The following B3GALT1 variants were observed in gnomAD, a reference collection of about 807,000 sequenced individuals.
The protein encoded by B3GALT1 is beta-1,3-galactosyltransferase 1.
In B3GALT1, 10 loss-of-function variants were observed where a neutral mutation model predicts 23.2. That is an observed-to-expected ratio of 0.43 (90% CI 0.27 to 0.73). The LOEUF (loss-of-function observed/expected upper bound fraction) is 0.73. Among genes scored for constraint, B3GALT1 ranks in the 30% least tolerant of loss-of-function variants. The pLI is 0.21. For missense variants in B3GALT1, 299 were observed against 405.4 expected (o/e 0.74, Z 2.25); for synonymous variants, 156 against 141.5 (o/e 1.10, Z -0.73).
At chr2:167,824,490 T>C (rs756644045) in intron 4 of B3GALT1, among the ~76,000 whole-genome samples, 3 of 152,162 alleles carry the variant, frequency 2.0e-5, no homozygotes, top group Non-Finnish European at 4.4e-5. Context: ...GAAGTGACAT[T>C]GGCAGGATGT....
intron 1 of B3GALT1, among the ~76,000 whole-genome samples, chr2:167,427,245 A>G (rs924285228): frequency 2.6e-5 from 4 of 152,238 alleles, no homozygotes; most frequent in African/African-American, 9.6e-5. Context: ...TGGGAAAGAA[A>G]GAGAGCTGTG....
intron 1 of B3GALT1, among the ~76,000 whole-genome samples, chr2:167,312,072 T>C (rs189290897): frequency 6.8e-4 from 104 of 152,096 alleles, no homozygotes; most frequent in African/African-American, 2.4e-3. Flanking sequence ...TTGACGGATT[T>C]GGAAATGTTC....
intron 4 of B3GALT1, among the ~76,000 whole-genome samples, chr2:167,858,887 A>G (rs1482524080): frequency 6.6e-6 from 1 of 151,970 alleles, no homozygotes; most frequent in Non-Finnish European, 1.5e-5. Context: ...AAATAATACT[A>G]CCTCTCTGTG....
At chr2:167,855,444 GTAAT>G (rs1559004392) in intron 4 of B3GALT1, among the ~76,000 whole-genome samples, 2 of 152,046 alleles carry the variant, frequency 1.3e-5, no homozygotes, top group Non-Finnish European at 2.9e-5. Context: ...CTTAGTAGAA[GTAAT>G]TATTAGTGAG....
intron 4 of B3GALT1, among the ~76,000 whole-genome samples, chr2:167,840,010 C>T (rs1689601430): frequency 6.6e-6 from 1 of 152,110 alleles, no homozygotes; most frequent in South Asian, 2.1e-4. Flanking sequence ...CTTCCTTACA[C>T]CTTATACAAA....
intron 3 of B3GALT1, among the ~76,000 whole-genome samples, chr2:167,692,111 A>G (rs1686724090): frequency 6.6e-6 from 1 of 152,108 alleles, no homozygotes; most frequent in Non-Finnish European, 1.5e-5. Context: ...CTCTGTTGTA[A>G]GATGTGTATG....
chr2:167,630,144 G>C (rs889800337), intron 2 of B3GALT1, among the ~76,000 whole-genome samples: 8 of 151,704 alleles, frequency 5.3e-5, no homozygotes, highest in African/African-American at 1.9e-4. Flanking sequence ...TAGCATCTCT[G>C]GGTTGTTGTA....
At chr2:167,542,135 A>T (rs1376021274) in intron 2 of B3GALT1, among the ~76,000 whole-genome samples, 1 of 151,854 alleles carries the variant, frequency 6.6e-6, no homozygotes, top group Non-Finnish European at 1.5e-5. Flanking sequence ...TATTTTATAT[A>T]TTTTTTTAAA....
chr2:167,817,139 G>A (rs560124954), intron 3 of B3GALT1, among the ~76,000 whole-genome samples: 11 of 152,304 alleles, frequency 7.2e-5, no homozygotes, highest in African/African-American at 2.6e-4. Context: ...CAGCTGTCTA[G>A]GCTGAGTAGA....
chr2:167,631,949 C>A (rs551719626), intron 2 of B3GALT1, among the ~76,000 whole-genome samples: 24 of 151,948 alleles, frequency 1.6e-4, no homozygotes, highest in African/African-American at 5.8e-4. Context: ...TCCCCTACCC[C>A]CCACCCACTG....
intron 2 of B3GALT1, among the ~76,000 whole-genome samples, chr2:167,594,029 A>G (rs574749398): frequency 1.2e-4 from 19 of 152,348 alleles, no homozygotes; most frequent in African/African-American, 3.6e-4. Flanking sequence ...GGCCTTTTCT[A>G]TACATTTATA....
intron 1 of B3GALT1, among the ~76,000 whole-genome samples, chr2:167,330,609 A>G (rs918828611): frequency 2.0e-5 from 3 of 152,092 alleles, no homozygotes; most frequent in African/African-American, 7.2e-5. Context: ...GACCCAGCCT[A>G]CCCGCACACT....
At chr2:167,591,525 C>T (rs1380564227) in intron 2 of B3GALT1, among the ~76,000 whole-genome samples, 2 of 152,016 alleles carry the variant, frequency 1.3e-5, no homozygotes, top group African/African-American at 2.4e-5. Flanking sequence ...GGGTGAAGTG[C>T]GGTGGTGCAG....
intron 2 of B3GALT1, among the ~76,000 whole-genome samples, chr2:167,619,549 A>G (rs753449384): frequency 9.9e-5 from 15 of 152,232 alleles, no homozygotes; most frequent in African/African-American, 3.4e-4. Context: ...TATATATTAT[A>G]TAGTACATTG....
chr2:167,417,680 T>C (rs186166758), intron 1 of B3GALT1, among the ~76,000 whole-genome samples: 4 of 152,302 alleles, frequency 2.6e-5, no homozygotes, highest in Admixed American at 2.6e-4. Flanking sequence ...AAGAGGTGGC[T>C]TTAGGAATAA....
At chr2:167,712,757 C>T (rs1357093886) in intron 3 of B3GALT1, among the ~76,000 whole-genome samples, 4 of 152,026 alleles carry the variant, frequency 2.6e-5, no homozygotes, top group Non-Finnish European at 5.9e-5. Context: ...TTCTTTGAGC[C>T]ATTGAAATTA....
chr2:167,580,376 C>T (rs1428508590), intron 2 of B3GALT1, among the ~76,000 whole-genome samples: 1 of 152,128 alleles, frequency 6.6e-6, no homozygotes, highest in Non-Finnish European at 1.5e-5. Context: ...TCTAACTTGG[C>T]ACTTAACTGC....
At chr2:167,848,009 G>A (rs1689797357) in intron 4 of B3GALT1, among the ~76,000 whole-genome samples, 1 of 151,872 alleles carries the variant, frequency 6.6e-6, no homozygotes. Flanking sequence ...ATAAATTCCT[G>A]GAAAAATACA....
At chr2:167,686,895 TG>T (rs1686625937) in intron 3 of B3GALT1, among the ~76,000 whole-genome samples, 1 of 152,218 alleles carries the variant, frequency 6.6e-6, no homozygotes, top group African/African-American at 2.4e-5. Flanking sequence ...TGCTGATTCC[TG>T]TAACGCGGAC....
Sources: gnomAD v4.1 joint callset for allele counts (sites outside exome capture counted in the v4.1 genomes callset) on GRCh38, gnomAD v4.1.1 for gene constraint, MANE v1.5 for transcripts, NCBI Gene and HGNC (gene_info 2026-07-23, HGNC 2026-07-21) for gene names.